The following OR1J2 variants were observed in gnomAD, a reference collection of about 807,000 sequenced individuals.
OR1J2 encodes the protein olfactory receptor family 1 subfamily J member 2.
For synonymous variants in OR1J2, 142 were observed against 99.7 expected (o/e 1.42, Z -2.52); for missense variants, 304 against 246.1 (o/e 1.24, Z -1.57).
chr9:122,517,704 A>C, the OR1J2 span, among the ~76,000 whole-genome samples: 17 of 151,688 alleles, frequency 1.1e-4, no homozygotes, highest in African/African-American at 4.1e-4. Context: ...GGTTTAGAAT[A>C]TCTTTTTGAG....
At chr9:122,553,790 A>G in the OR1J2 span, 3 of 1,614,024 alleles carry the variant, frequency 1.9e-6, no homozygotes, top group Non-Finnish European at 2.5e-6. Context: ...TTGCCTGCTC[A>G]GATACCCATG....
At chr9:122,488,294 C>T in the OR1J2 span, among the ~76,000 whole-genome samples, 51 of 152,250 alleles carry the variant, frequency 3.3e-4, 1 homozygote, top group African/African-American at 1.0e-3. Context: ...TGTGCCACCA[C>T]GTCCAGCTAA....
the OR1J2 span, among the ~76,000 whole-genome samples, chr9:122,495,848 G>A: frequency 6.6e-6 from 1 of 152,124 alleles, no homozygotes; most frequent in Non-Finnish European, 1.5e-5. Flanking sequence ...TTCAAGGGCT[G>A]CTGTTCAGAT....
At chr9:122,573,632 T>A in the OR1J2 span, among the ~76,000 whole-genome samples, 2 of 152,228 alleles carry the variant, frequency 1.3e-5, no homozygotes, top group African/African-American at 4.8e-5. Flanking sequence ...ATTTGTGTAT[T>A]TTGAATTACA....
At chr9:122,532,530 C>T in the OR1J2 span, among the ~76,000 whole-genome samples, 39 of 149,758 alleles carry the variant, frequency 2.6e-4, no homozygotes, top group African/African-American at 8.4e-4. Flanking sequence ...GATTGAAGTC[C>T]GGGCCAGGAA....
chr9:122,514,354 A>G (rs1419656532), downstream of OR1J2, among the ~76,000 whole-genome samples: 1 of 152,082 alleles, frequency 6.6e-6, no homozygotes, highest in Non-Finnish European at 1.5e-5. Context: ...TTTAGCTCCC[A>G]CTTATAAGTG....
chr9:122,491,377 A>G, the OR1J2 span, among the ~76,000 whole-genome samples: 2 of 152,028 alleles, frequency 1.3e-5, no homozygotes, highest in Non-Finnish European at 2.9e-5. Flanking sequence ...ATTGCCTGAA[A>G]ACAAATGAGG....
chr9:122,527,332 A>C, the OR1J2 span: 1 of 1,289,724 alleles, frequency 7.8e-7, no homozygotes, highest in Non-Finnish European at 1.1e-6. Flanking sequence ...GACAGTTAGA[A>C]TGCTAGATTT....
the OR1J2 span, among the ~76,000 whole-genome samples, chr9:122,570,969 T>C: frequency 6.6e-6 from 1 of 152,178 alleles, no homozygotes; most frequent in African/African-American, 2.4e-5. Flanking sequence ...TCAAGGTCAG[T>C]AAGGAAGTGA....
the OR1J2 span, among the ~76,000 whole-genome samples, chr9:122,563,247 T>G: frequency 0.58 from 87,885 of 151,344 alleles, 26,034 homozygotes; most frequent in East Asian, 0.97. Context: ...TCTCATTGTG[T>G]TTTTAAAAAG....
chr9:122,560,327 C>T, the OR1J2 span, among the ~76,000 whole-genome samples: 4 of 152,114 alleles, frequency 2.6e-5, no homozygotes, highest in Non-Finnish European at 4.4e-5. Flanking sequence ...AGCCCGTTTA[C>T]ATTTAAGGTT....
the OR1J2 span, among the ~76,000 whole-genome samples, chr9:122,546,617 G>A: frequency 2.0e-5 from 3 of 152,070 alleles, no homozygotes; most frequent in African/African-American, 7.2e-5. Flanking sequence ...AAAAGTAAAA[G>A]CAGATCCTCT....
the OR1J2 span, among the ~76,000 whole-genome samples, chr9:122,576,223 A>C: frequency 6.6e-6 from 1 of 150,518 alleles, no homozygotes; most frequent in Non-Finnish European, 1.5e-5. Context: ...TCTTTTTTAC[A>C]TTTTTTTTTA....
the OR1J2 span, among the ~76,000 whole-genome samples, chr9:122,503,988 A>G: frequency 7.2e-4 from 109 of 152,292 alleles, no homozygotes; most frequent in Non-Finnish European, 2.6e-4. Flanking sequence ...AATTAGTTGT[A>G]TGGAAATCCT....
At chr9:122,520,789 G>A in the OR1J2 span, among the ~76,000 whole-genome samples, 11,653 of 152,172 alleles carry the variant, frequency 0.077, 583 homozygotes, top group South Asian at 0.18. Context: ...CAGTGTCTTC[G>A]TTGTCTTTCT....
the OR1J2 span, among the ~76,000 whole-genome samples, chr9:122,530,529 G>A: frequency 6.6e-6 from 1 of 152,156 alleles, no homozygotes. Context: ...TTAGTACAGT[G>A]CTGGCTTTAT....
chr9:122,487,965 T>C, the OR1J2 span, among the ~76,000 whole-genome samples: 2 of 152,214 alleles, frequency 1.3e-5, no homozygotes, highest in African/African-American at 4.8e-5. Flanking sequence ...TTTTTCCCAT[T>C]TATTGAGTTT....
At chr9:122,552,039 A>ACTCTCTCTCT in the OR1J2 span, among the ~76,000 whole-genome samples, 5 of 89,386 alleles carry the variant, frequency 5.6e-5, no homozygotes, top group Non-Finnish European at 1.1e-4. Flanking sequence ...GGACACATAC[A>ACTCTCTCTCT]CACACACACA....
the OR1J2 span, chr9:122,526,873 G>A: frequency 1.2e-6 from 2 of 1,614,182 alleles, no homozygotes; most frequent in African/African-American, 2.7e-5. Flanking sequence ...GCAAGCATTA[G>A]GGCACAGACT....
Sources: allele counts gnomAD v4.1 joint callset (sites outside exome capture counted in the v4.1 genomes callset), GRCh38; gene constraint gnomAD v4.1.1; transcripts MANE v1.5; gene names NCBI Gene and HGNC (gene_info 2026-07-23, HGNC 2026-07-21).